PCNX1: variants seen among roughly 807,000 people sequenced by gnomAD.
PCNX1 encodes the protein pecanex 1.
A neutral mutation model predicts 242.2 loss-of-function variants in PCNX1; 78 were observed. That is an observed-to-expected ratio of 0.32 (90% CI 0.27 to 0.39). The LOEUF (loss-of-function observed/expected upper bound fraction) is 0.39, where lower values mean the gene tolerates loss of function less well. Ranked by LOEUF, PCNX1 falls within the 10% of genes least tolerant of loss-of-function variation. PCNX1 has a pLI of 1.00. For synonymous variants in PCNX1, 1,024 were observed against 1,032.9 expected (o/e 0.99, Z 0.17); for missense variants, 2,581 against 2,856.5 (o/e 0.90, Z 2.20).
intron 30 of PCNX1, among the ~76,000 whole-genome samples, chr14:71,098,149 C>CT (rs2062348593): frequency 6.6e-6 from 1 of 152,140 alleles, no homozygotes; most frequent in Non-Finnish European, 1.5e-5. Context: ...GTCTGTATGT[C>CT]TGTCTTTTAC....
At position 71,008,500 on chromosome 14, in the gene PCNX1, C is replaced by T. The variant is rs556720895; in HGVS notation, c.2630-1134C>T. Among the ~76,000 whole-genome samples the T allele has an allele frequency of 3.6e-3, 543 of 151,472 alleles. 1 individual carries two copies. Among genetic ancestry groups the T allele is most frequent in the African/African-American group, 0.013 (521 of 41,304 alleles). ...TGAAAACCTGTCTCTACTAAAAATA[C>T]GAAAAATTAGCCGGGCGTGGTGGCG... On this transcript the variant is annotated intron_variant, in intron 8 of 35. Transcript: ENST00000304743.
intron 15 of PCNX1, 48 bp from the exon 16 acceptor site, chr14:71,028,652 T>C: frequency 9.2e-7 from 1 of 1,087,138 alleles, no homozygotes; most frequent in South Asian, 1.4e-5. Flanking sequence ...TTAATTATTT[T>C]CATATATTTT....
intron 3 of PCNX1, among the ~76,000 whole-genome samples, chr14:70,963,907 C>T (rs1005433853): frequency 5.3e-5 from 8 of 152,118 alleles, no homozygotes; most frequent in Admixed American, 1.3e-4. Context: ...CTGTATCATG[C>T]GGCTCATTCG....
Position 71,102,257 on chromosome 14 carries a change from G to T in PCNX1, c.5820+37G>T, listed in dbSNP as rs1199939496. The T allele has an allele frequency of 2.0e-6, 3 of 1,498,328 alleles. No homozygotes were observed. The Admixed American group carries it at 5.2e-5, about 26-fold the overall frequency. The allele number at this position is 1,498,328 out of a possible 1,614,324, so 92.8% of individuals were successfully genotyped here. A position where few individuals can be genotyped will look rare whatever the true frequency, so the allele number is the denominator to read the frequency against. ...AGGTATTTATTTGGTCCAAAACATA[G>T]AAGTTGAATAACTTGATCTAAAATT... On this transcript the variant is annotated intron_variant, in intron 31 of 35. Coordinates refer to ENST00000304743, the MANE Select transcript of PCNX1 (RefSeq NM_014982.3).
intron 5 of PCNX1, among the ~76,000 whole-genome samples, chr14:70,971,893 T>G (rs1463750913): frequency 6.6e-6 from 1 of 151,666 alleles, no homozygotes; most frequent in African/African-American, 2.4e-5. Context: ...CAGTATGGAG[T>G]TTTGCAAGCC....
chr14:71,050,058 T>C lies in PCNX1; in HGVS notation c.4339-594T>C, dbSNP rs183958716. 3.2e-4 allele frequency among the ~76,000 whole-genome samples: 49 copies of C among 152,344 alleles called. 1 individual carries two copies. Among genetic ancestry groups the C allele is most frequent in the Admixed American group, 5.9e-4 (9 of 15,306 alleles). On this transcript the variant is annotated intron_variant, in intron 22 of 35. Transcript: ENST00000304743. ...CTGTTTTTCACATTCCTTTTGACAT[T>C]ACATTTAAAACATAGTTTCCAAAGC...
chr14:71,064,541 T>G (rs1420600623), intron 26 of PCNX1, among the ~76,000 whole-genome samples: 1 of 152,170 alleles, frequency 6.6e-6, no homozygotes, highest in African/African-American at 2.4e-5. Context: ...CATTTAAAAA[T>G]CTTTGATAAA....
chr14:70,909,513 A>G (rs1003872547), intron 1 of PCNX1, among the ~76,000 whole-genome samples: 18 of 152,198 alleles, frequency 1.2e-4, no homozygotes, highest in African/African-American at 3.9e-4. Flanking sequence ...AATTTCTTCT[A>G]TGTCCAGAAG....
At chr14:70,991,297 T>C (rs940658278) in intron 7 of PCNX1, among the ~76,000 whole-genome samples, 2 of 149,690 alleles carry the variant, frequency 1.3e-5, no homozygotes, top group Non-Finnish European at 3.0e-5. Context: ...CTCCGCCTCC[T>C]GGGTTCAAGC....
chr14:71,096,316 CAAAAG>C (rs775965727), intron 30 of PCNX1, among the ~76,000 whole-genome samples: 7 of 149,682 alleles, frequency 4.7e-5, no homozygotes, highest in Non-Finnish European at 1.0e-4. Context: ...GACTCTGTCT[CAAAAG>C]AAAAAAAAAA....
chr14:71,048,895 A>G (rs2060943441), intron 22 of PCNX1: 1 of 245,136 alleles, frequency 4.1e-6, no homozygotes, highest in African/African-American at 2.3e-5. Flanking sequence ...ATTGATAGTC[A>G]ATTTCAGTAT....
intron 28 of PCNX1, among the ~76,000 whole-genome samples, chr14:71,084,129 T>C (rs1479313338): frequency 1.3e-5 from 2 of 152,220 alleles, no homozygotes; most frequent in African/African-American, 4.8e-5. Flanking sequence ...TGCTGGAATT[T>C]GCTGGAGGTC....
intron 12 of PCNX1, among the ~76,000 whole-genome samples, chr14:71,019,709 A>T (rs982054726): frequency 6.6e-6 from 1 of 151,592 alleles, no homozygotes. Flanking sequence ...CTAAAAGAAA[A>T]CTGTATTTGT....
chr14:71,054,518 A>G, intron 24 of PCNX1, among the ~76,000 whole-genome samples: 1 of 152,206 alleles, frequency 6.6e-6, no homozygotes. Flanking sequence ...ATTATTGTCA[A>G]CAAGTATTGC....
chr14:71,054,687 G>A (rs1444089268), intron 24 of PCNX1, among the ~76,000 whole-genome samples: 3 of 152,168 alleles, frequency 2.0e-5, no homozygotes, highest in African/African-American at 7.2e-5. Flanking sequence ...AGTTCAAGCA[G>A]TTGCACAAAT....
intron 22 of PCNX1, 52 bp downstream of exon 22, chr14:71,048,036 G>C: frequency 1.5e-6 from 2 of 1,308,552 alleles, no homozygotes; most frequent in Non-Finnish European, 2.1e-6. Context: ...ATCTCCCTGG[G>C]TTATATGCTA....
intron 28 of PCNX1, chr14:71,085,944 A>T (rs181278770): frequency 6.3e-6 from 1 of 158,512 alleles, no homozygotes; most frequent in African/African-American, 2.4e-5. Context: ...AGGAACTCCA[A>T]TTATATTTGT....
At chr14:71,021,556 A>T (rs191091080) in intron 12 of PCNX1, among the ~76,000 whole-genome samples, 2 of 152,252 alleles carry the variant, frequency 1.3e-5, no homozygotes, top group African/African-American at 4.8e-5. Context: ...TTATAGCTAG[A>T]CATGTGGAGT....
chr14:71,072,373 A>C (rs184089289), intron 26 of PCNX1, among the ~76,000 whole-genome samples: 249 of 152,330 alleles, frequency 1.6e-3, no homozygotes, highest in African/African-American at 5.7e-3. Flanking sequence ...TGTCAACACT[A>C]TGTAACATTA....
Sources: allele counts gnomAD v4.1 joint callset (sites outside exome capture counted in the v4.1 genomes callset), GRCh38; gene constraint gnomAD v4.1.1; transcripts MANE v1.5; gene names NCBI Gene and HGNC (gene_info 2026-07-23, HGNC 2026-07-21).